LMNTD1: variants seen among roughly 807,000 people sequenced by gnomAD.
The protein encoded by LMNTD1 is lamin tail domain-containing protein 1.
In LMNTD1, 35 loss-of-function variants were observed where a neutral mutation model predicts 50.9. The ratio of observed to expected loss-of-function variants is 0.69; its 90% CI spans 0.53 to 0.91. LMNTD1 has a LOEUF of 0.91. Ranked by LOEUF, LMNTD1 falls within the 40% of genes least tolerant of loss-of-function variation. The probability of loss-of-function intolerance (pLI) is 0.00; values close to 1 mark genes in which losing one functional copy is unlikely to be tolerated. For missense variants in LMNTD1, 470 were observed against 475.5 expected (o/e 0.99, Z 0.11); for synonymous variants, 153 against 161.9 (o/e 0.94, Z 0.42).
intron 8 of LMNTD1, among the ~76,000 whole-genome samples, chr12:25,505,233 T>C (rs1033724053): frequency 4.6e-5 from 7 of 152,182 alleles, no homozygotes; most frequent in Non-Finnish European, 8.8e-5. Flanking sequence ...CTAGTAACTT[T>C]AATCTAAATC....
At chr12:25,564,697 A>G (rs1944480827) in intron 1 of LMNTD1, among the ~76,000 whole-genome samples, 1 of 152,216 alleles carries the variant, frequency 6.6e-6, no homozygotes, top group African/African-American at 2.4e-5. Context: ...AAGAATGTGT[A>G]TTCTGCAGCC....
At chr12:25,538,396 G>A (rs1249762903) in intron 4 of LMNTD1, among the ~76,000 whole-genome samples, 27 of 150,726 alleles carry the variant, frequency 1.8e-4, no homozygotes, top group African/African-American at 5.9e-4. Context: ...CCTACAAGCT[G>A]GAAGAGAGTG....
At chr12:25,531,449 C>T (rs750397606) in intron 4 of LMNTD1, among the ~76,000 whole-genome samples, 3 of 152,102 alleles carry the variant, frequency 2.0e-5, no homozygotes, top group East Asian at 1.9e-4. Context: ...TCTAGTGTCT[C>T]GTTATTCTAT....
chr12:25,483,177 C>T (rs1329945468), intron 9 of LMNTD1, among the ~76,000 whole-genome samples: 1 of 151,792 alleles, frequency 6.6e-6, no homozygotes, highest in Non-Finnish European at 1.5e-5. Flanking sequence ...ATAATCTCAG[C>T]ACTTTGGGAG....
At chr12:25,578,801 T>C (rs773933464) in intron 1 of LMNTD1, among the ~76,000 whole-genome samples, 4 of 152,220 alleles carry the variant, frequency 2.6e-5, no homozygotes, top group Non-Finnish European at 4.4e-5. Flanking sequence ...AACTCACCTG[T>C]AAAGCAGTCA....
chr12:25,583,299 T>C (rs1034398259), intron 1 of LMNTD1, among the ~76,000 whole-genome samples: 2 of 151,116 alleles, frequency 1.3e-5, no homozygotes, highest in African/African-American at 4.9e-5. Flanking sequence ...AGTGTTGGGA[T>C]TACAGGCGTG....
intron 1 of LMNTD1, among the ~76,000 whole-genome samples, chr12:25,631,398 C>T (rs1343139720): frequency 2.0e-5 from 3 of 150,824 alleles, no homozygotes; most frequent in Non-Finnish European, 3.0e-5. Context: ...CCATTGCACC[C>T]ACCCCTTGCC....
intron 1 of LMNTD1, among the ~76,000 whole-genome samples, chr12:25,565,083 CT>C (rs1043322331): frequency 1.3e-5 from 2 of 152,020 alleles, no homozygotes; most frequent in African/African-American, 4.8e-5. Flanking sequence ...CATATAATAT[CT>C]TTTTCCATCC....
chr12:25,555,227 C>T (rs371609831), upstream of LMNTD1, among the ~76,000 whole-genome samples: 57 of 152,206 alleles, frequency 3.7e-4, 1 homozygote, highest in Middle Eastern at 6.8e-3. Context: ...TTTGTTCAGA[C>T]GTTTCCAAGA....
chr12:25,494,395 T>A (rs551517795), intron 9 of LMNTD1, among the ~76,000 whole-genome samples: 20 of 151,626 alleles, frequency 1.3e-4, no homozygotes, highest in South Asian at 4.1e-4. Context: ...CCAAAAGTTT[T>A]ACATTTTTTC....
chr12:25,611,015 T>A (rs145361670), intron 1 of LMNTD1, among the ~76,000 whole-genome samples: 1 of 152,104 alleles, frequency 6.6e-6, no homozygotes, highest in Non-Finnish European at 1.5e-5. Flanking sequence ...GTAACACCTA[T>A]TTCTAGGCGC....
chr12:25,507,151 C>CCCG (rs1939856122), intron 8 of LMNTD1, among the ~76,000 whole-genome samples: 1 of 152,142 alleles, frequency 6.6e-6, no homozygotes, highest in South Asian at 2.1e-4. Context: ...GCTGGGATTA[C>CCCG]AGGTGTGAGC....
chr12:25,575,917 A>G (rs1432337621), intron 1 of LMNTD1, among the ~76,000 whole-genome samples: 3 of 151,948 alleles, frequency 2.0e-5, no homozygotes, highest in Non-Finnish European at 4.4e-5. Context: ...TTCAATTCCT[A>G]CCTATGAGTG....
At chr12:25,611,677 A>G (rs951323356) in intron 1 of LMNTD1, among the ~76,000 whole-genome samples, 9 of 152,256 alleles carry the variant, frequency 5.9e-5, no homozygotes, top group Admixed American at 2.6e-4. Context: ...TCTCTTTCTC[A>G]TACACATACG....
intron 9 of LMNTD1, among the ~76,000 whole-genome samples, chr12:25,498,106 T>G (rs576222540): frequency 6.6e-6 from 1 of 152,268 alleles, no homozygotes; most frequent in South Asian, 2.1e-4. Flanking sequence ...TGTCACAGAA[T>G]CTGAAGCAAT....
intron 1 of LMNTD1, among the ~76,000 whole-genome samples, chr12:25,560,610 A>G (rs1253305377): frequency 6.6e-6 from 1 of 152,184 alleles, no homozygotes; most frequent in African/African-American, 2.4e-5. Context: ...TGGGGATGGC[A>G]TTGAATCTAT....
At chr12:25,639,402 T>C (rs1946903795) in intron 1 of LMNTD1, among the ~76,000 whole-genome samples, 1 of 152,112 alleles carries the variant, frequency 6.6e-6, no homozygotes. Flanking sequence ...AAAGAAAATA[T>C]TTCCAAAGCT....
At chr12:25,529,106 CT>C (rs953648878) in intron 4 of LMNTD1, among the ~76,000 whole-genome samples, 1 of 152,116 alleles carries the variant, frequency 6.6e-6, no homozygotes, top group Non-Finnish European at 1.5e-5. Flanking sequence ...GTATTGGCCT[CT>C]TTTTGGAAAC....
rs1007735830 is a variant in LMNTD1 at position 25,487,655 on chromosome 12, G to A, written c.*23-11195C>T. Among the ~76,000 whole-genome samples, 4 of 128,496 alleles carry A rather than the reference G, an allele frequency of 3.1e-5. No individual in the cohort carries two copies. In the Admixed American group the frequency reaches 3.5e-4, roughly 11 times the overall value. 84.3% of individuals were successfully genotyped at this position (128,496 alleles called of 152,430 possible). A position where few individuals can be genotyped will look rare whatever the true frequency, so the allele number is the denominator to read the frequency against. ...TTACATTTAAAGTTAATATTGTTAT[G>A]TGTGAATTTGATCCTGTCATTATGA... is the stretch of plus-strand genomic sequence containing the variant. On this transcript the variant is annotated intron_variant, in intron 9 of 9. Transcript: ENST00000458174.
Sources: allele counts gnomAD v4.1 joint callset (sites outside exome capture counted in the v4.1 genomes callset), GRCh38; gene constraint gnomAD v4.1.1; transcripts MANE v1.5; gene names NCBI Gene and HGNC (gene_info 2026-07-23, HGNC 2026-07-21).